RFESD: variants seen among roughly 807,000 people sequenced by gnomAD.
The protein encoded by RFESD is Rieske domain-containing protein.
In RFESD, 16 loss-of-function variants were observed where a neutral mutation model predicts 24.4. The ratio of observed to expected loss-of-function variants is 0.66; its 90% CI spans 0.44 to 1.00. The LOEUF (loss-of-function observed/expected upper bound fraction) is 1.00, where lower values mean the gene tolerates loss of function less well. Ranked by LOEUF, RFESD falls within the 50% of genes least tolerant of loss-of-function variation. RFESD has a pLI of 0.00. For synonymous variants in RFESD, 59 were observed against 81.8 expected (o/e 0.72, Z 1.50); for missense variants, 208 against 247.0 (o/e 0.84, Z 1.06).
In RFESD at chr5:95,657,088, C is replaced by T. The variant is rs1361629561; in HGVS notation, c.*779C>T. On this transcript the variant is annotated 3_prime_UTR_variant, in exon 6 of 6. Transcript: ENST00000380005. The stretch of plus-strand genomic sequence containing the variant: ...ATGTAAAGTCTCCTATTCAGTGAGC[C>T]AATGTTCTTTGAATGCCTATATGAA... The T allele has an allele frequency of 1.3e-5, 2 of 152,062 alleles. No homozygotes were observed. Among genetic ancestry groups the T allele is most frequent in the Non-Finnish European group, 2.9e-5 (2 of 67,990 alleles). 9.4% of individuals were successfully genotyped at this position (152,062 alleles called of 1,614,324 possible). A position where few individuals can be genotyped will look rare whatever the true frequency, so the allele number is the denominator to read the frequency against.
intron 1 of RFESD, chr5:95,647,174 GCCT>G (rs1356563640): frequency 1.3e-5 from 2 of 152,224 alleles, no homozygotes; most frequent in Non-Finnish European, 2.9e-5. Context: ...GGAGATACTC[GCCT>G]CCTGGAGTCT....
At chr5:95,655,469 T>C (rs560153537) in intron 5 of RFESD, 2 of 152,400 alleles carry the variant, frequency 1.3e-5, no homozygotes, top group South Asian at 2.1e-4. Context: ...ACATGCAGAA[T>C]CTTGTCACCC....
rs1750764860 is a variant in RFESD at position 95,656,404 on chromosome 5, A to G, written c.*95A>G. The G allele has an allele frequency of 2.1e-6, 2 of 957,568 alleles. No individual in the cohort carries two copies. The highest frequency in any genetic ancestry group is 1.7e-5 in the South Asian group (1 of 60,494). 59.3% of individuals were successfully genotyped at this position (957,568 alleles called of 1,614,324 possible). On this transcript the variant is annotated 3_prime_UTR_variant, in exon 6 of 6. Coordinates refer to ENST00000380005, the MANE Select transcript of RFESD (RefSeq NM_001131066.2). ...TTTAAAGGTGATGAAATTTTTCAAC[A>G]TAGGCACAACTGTTTAAAATTCACA...
chr5:95,653,062 C>T, intron 2 of RFESD, 55 bp from the exon 3 acceptor site: 3 of 1,546,784 alleles, frequency 1.9e-6, no homozygotes, highest in Non-Finnish European at 2.6e-6. Flanking sequence ...TCTTCTGGAA[C>T]ACATTCACCA....
Position 95,657,327 on chromosome 5 carries a change from T to C in RFESD, c.*1018T>C, listed in dbSNP as rs1380946512. 6.6e-6 allele frequency: 1 copy of C among 151,920 alleles called. No individual in the cohort carries two copies. The highest frequency in any genetic ancestry group is 1.9e-4 in the East Asian group (1 of 5,164). 9.4% of individuals were successfully genotyped at this position (151,920 alleles called of 1,614,324 possible). On this transcript the variant is annotated 3_prime_UTR_variant, in exon 6 of 6. Coordinates refer to ENST00000380005, the MANE Select transcript of RFESD (RefSeq NM_001131066.2). ...TGCAATGATGGTCATACCGTACCAGTTGTAATGTATTTAAAATAACACCCC... is the reference window on the plus strand; with the variant it reads ...TGCAATGATGGTCATACCGTACCAGCTGTAATGTATTTAAAATAACACCCC...
At chr5:95,647,514 C>G (rs1360159814) in intron 1 of RFESD, 2 of 152,218 alleles carry the variant, frequency 1.3e-5, no homozygotes, top group Non-Finnish European at 2.9e-5. Flanking sequence ...CTAGCTCACT[C>G]GTGATCACAA....
chr5:95,652,234 C>A lies in RFESD; in HGVS notation c.-38C>A. ...GCAATAGATTGGACACTCTACTGATCTTGCCTCTCTACAACCTCTCTTCCA... is the reference window on the plus strand; with the variant it reads ...GCAATAGATTGGACACTCTACTGATATTGCCTCTCTACAACCTCTCTTCCA... On this transcript the variant is annotated 5_prime_UTR_variant, in exon 2 of 6. Coordinates refer to ENST00000380005, the MANE Select transcript of RFESD (RefSeq NM_001131066.2). 1 of 1,541,928 alleles carries A rather than the reference C, an allele frequency of 6.5e-7. No homozygotes were observed. Among genetic ancestry groups the A allele is most frequent in the Non-Finnish European group, 8.8e-7 (1 of 1,141,038 alleles).
At chr5:95,653,989 G>T (rs1049598395) in intron 3 of RFESD, 72 bp from the exon 4 acceptor site, 2 of 1,270,412 alleles carry the variant, frequency 1.6e-6, no homozygotes, top group East Asian at 2.4e-5. Flanking sequence ...TTCATTCTTA[G>T]GGTTATCTCC....
intron 1 of RFESD, chr5:95,647,367 T>C (rs1382049672): frequency 1.3e-5 from 2 of 152,222 alleles, no homozygotes; most frequent in Non-Finnish European, 2.9e-5. Context: ...CTCTAAACAT[T>C]TGACATGTGT....
At chr5:95,651,848 C>T (rs1359429124) in intron 1 of RFESD, among the ~76,000 whole-genome samples, 1 of 152,076 alleles carries the variant, frequency 6.6e-6, no homozygotes, top group Non-Finnish European at 1.5e-5. Context: ...AGGAGACAAA[C>T]TTTAGAAATA....
Position 95,657,048 on chromosome 5 carries a change from G to A in RFESD, c.*739G>A, listed in dbSNP as rs1750803483. 1.3e-5 allele frequency: 2 copies of A among 152,124 alleles called. No homozygotes were observed. The highest frequency in any genetic ancestry group is 4.8e-5 in the African/African-American group (2 of 41,420). 9.4% of individuals were successfully genotyped at this position (152,124 alleles called of 1,614,324 possible). On this transcript the variant is annotated 3_prime_UTR_variant, in exon 6 of 6. Coordinates refer to ENST00000380005, the MANE Select transcript of RFESD (RefSeq NM_001131066.2). ...AGTAAGGAAGCCAGACACAGCTGCT[G>A]CCCAGCCATGAGAGATGTAAAGTCT...
chr5:95,652,285 T>G lies in RFESD; in HGVS notation c.14T>G (p.Phe5Cys), dbSNP rs1750384996. The G allele has an allele frequency of 1.3e-6, 2 of 1,550,572 alleles. No individual in the cohort carries two copies. The highest frequency in any genetic ancestry group is 2.0e-5 in the Admixed American group (1 of 50,962). ...CCTGACCTCTAAATGTTGAAGTGTT[T>G]CAGGAATTGTCTTAGACCTTCTTCC... MLKC[F>C]RNCLRPSSLS... The change falls in exon 2 of 6, where the codon TTC becomes TGC. Residue 5 changes from phenylalanine (F) to cysteine (C), a missense_variant. Coordinates refer to ENST00000380005, the MANE Select transcript of RFESD (RefSeq NM_001131066.2).
intron 2 of RFESD, 83 bp from the exon 3 acceptor site, chr5:95,653,034 T>A: frequency 6.5e-7 from 1 of 1,527,130 alleles, no homozygotes; most frequent in Non-Finnish European, 8.8e-7. Flanking sequence ...TTTACCAATC[T>A]TGCATATTAT....
Position 95,652,144 on chromosome 5 carries a change from C to A in RFESD, c.-128C>A. 1 of 1,233,226 alleles carries A rather than the reference C, an allele frequency of 8.1e-7. No homozygotes were observed. Among genetic ancestry groups the A allele is most frequent in the Non-Finnish European group, 1.1e-6 (1 of 933,520 alleles). 76.4% of individuals were successfully genotyped at this position (1,233,226 alleles called of 1,614,324 possible). A position where few individuals can be genotyped will look rare whatever the true frequency, so the allele number is the denominator to read the frequency against. On this transcript the variant is annotated 5_prime_UTR_variant, in exon 2 of 6. Coordinates refer to ENST00000380005, the MANE Select transcript of RFESD (RefSeq NM_001131066.2). ...CTGCCTTTTTTTTTCCAGGTTACCA[C>A]CTATTTGCAATTCAAGGAGAATATA...
chr5:95,652,266 C>G lies in RFESD; in HGVS notation c.-6C>G. ...CTCTACAACCTCTCTTCCACCTGAC[C>G]TCTAAATGTTGAAGTGTTTCAGGAA... On this transcript the variant is annotated 5_prime_UTR_variant, in exon 2 of 6. Transcript: ENST00000380005. 6.5e-7 allele frequency: 1 copy of G among 1,549,774 alleles called. No individual in the cohort carries two copies. Among genetic ancestry groups the G allele is most frequent in the Non-Finnish European group, 8.7e-7 (1 of 1,145,834 alleles).
At chr5:95,647,789 G>A (rs1363362951) in intron 1 of RFESD, 1 of 151,886 alleles carries the variant, frequency 6.6e-6, no homozygotes, top group African/African-American at 2.4e-5. Context: ...TAAAAACGTG[G>A]GTGCTACCTG....
chr5:95,652,237 GCCTCTCTACAA>G lies in RFESD; in HGVS notation c.-27_-17del. ...ATAGATTGGACACTCTACTGATCTT[GCCTCTCTACAA>G]CCTCTCTTCCACCTGACCTCTAAAT... On this transcript the variant is annotated 5_prime_UTR_variant, in exon 2 of 6. Coordinates refer to ENST00000380005, the MANE Select transcript of RFESD (RefSeq NM_001131066.2). 2 of 1,541,998 alleles carry G rather than the reference GCCTCTCTACAA, an allele frequency of 1.3e-6. No individual in the cohort carries two copies. Among genetic ancestry groups the G allele is most frequent in the Non-Finnish European group, 1.8e-6 (2 of 1,141,124 alleles).
chr5:95,652,553 C>A, intron 2 of RFESD: 1 of 482,234 alleles, frequency 2.1e-6, no homozygotes, highest in Non-Finnish European at 3.4e-6. Flanking sequence ...TTTGGCACTA[C>A]AGTTCACCTA....
In RFESD at chr5:95,656,367, CT is replaced by C; in HGVS notation, c.*59del. 1 of 1,391,606 alleles carries C rather than the reference CT, an allele frequency of 7.2e-7. No individual in the cohort carries two copies. The highest frequency in any genetic ancestry group is 2.3e-5 in the East Asian group (1 of 43,720). 86.2% of individuals were successfully genotyped at this position (1,391,606 alleles called of 1,614,324 possible). On this transcript the variant is annotated 3_prime_UTR_variant, in exon 6 of 6. Coordinates refer to ENST00000380005, the MANE Select transcript of RFESD (RefSeq NM_001131066.2). Reference sequence around the variant, plus strand: ...ATGCTTGAAAACATTTTTAGAATAACTCTGCTTCAGTTTTAAAGGTGATGAA... The same window carrying C: ...ATGCTTGAAAACATTTTTAGAATAACCTGCTTCAGTTTTAAAGGTGATGAA...
Sources: gnomAD v4.1 joint callset for allele counts (sites outside exome capture counted in the v4.1 genomes callset) on GRCh38, gnomAD v4.1.1 for gene constraint, MANE v1.5 for transcripts, NCBI Gene and HGNC (gene_info 2026-07-23, HGNC 2026-07-21) for gene names.